The following CMSS1 variants were observed in gnomAD, a reference collection of about 807,000 sequenced individuals.
CMSS1 encodes protein CMSS1.
CMSS1 carries 33 observed loss-of-function variants against 43.5 expected under a neutral mutation model. That is an observed-to-expected ratio of 0.76 (90% CI 0.57 to 1.01). The LOEUF is 1.01. Ranked by LOEUF, CMSS1 falls within the 50% of genes least tolerant of loss-of-function variation. The pLI is 0.00. For synonymous variants in CMSS1, 115 were observed against 117.2 expected (o/e 0.98, Z 0.12); for missense variants, 313 against 326.4 (o/e 0.96, Z 0.32).
At chr3:100,172,756 G>C (rs1456315261) in intron 8 of CMSS1, among the ~76,000 whole-genome samples, 3 of 152,134 alleles carry the variant, frequency 2.0e-5, no homozygotes, top group Non-Finnish European at 2.9e-5. Flanking sequence ...CCATTTTGAG[G>C]GCTGGTATAT....
At chr3:99,930,808 G>A in intron 1 of CMSS1, 1 of 1,612,990 alleles carries the variant, frequency 6.2e-7, no homozygotes, top group Non-Finnish European at 8.5e-7. Flanking sequence ...GAAATAACAG[G>A]TCATCTCTTG....
intron 1 of CMSS1, among the ~76,000 whole-genome samples, chr3:99,890,729 T>G (rs1007191993): frequency 6.3e-5 from 9 of 143,788 alleles, no homozygotes; most frequent in African/African-American, 1.6e-4. Flanking sequence ...CAATCCGCTG[T>G]TTTTTTTTTT....
At chr3:99,945,269 G>A (rs547938209) in intron 1 of CMSS1, among the ~76,000 whole-genome samples, 18 of 152,250 alleles carry the variant, frequency 1.2e-4, no homozygotes, top group African/African-American at 4.1e-4. Context: ...TCATCGCTAC[G>A]AAGGAGTGCT....
chr3:100,063,923 AC>A (rs1559744899), intron 1 of CMSS1, among the ~76,000 whole-genome samples: 1 of 152,280 alleles, frequency 6.6e-6, no homozygotes, highest in South Asian at 2.1e-4. Flanking sequence ...CCACATGTTT[AC>A]CCCAAGACTG....
chr3:100,033,386 G>T (rs1576657499), intron 1 of CMSS1, among the ~76,000 whole-genome samples: 1 of 152,168 alleles, frequency 6.6e-6, no homozygotes. Context: ...GCTCTGGAAG[G>T]CTTCCATCAA....
intron 1 of CMSS1, among the ~76,000 whole-genome samples, chr3:100,015,241 C>T (rs1026708284): frequency 6.6e-6 from 1 of 151,796 alleles, no homozygotes; most frequent in African/African-American, 2.4e-5. Flanking sequence ...TGTTATGTTC[C>T]CTTGGATTAT....
At chr3:99,890,798 C>T (rs1706060112) in intron 1 of CMSS1, among the ~76,000 whole-genome samples, 1 of 151,612 alleles carries the variant, frequency 6.6e-6, no homozygotes, top group South Asian at 2.1e-4. Context: ...GAGGTCTTTG[C>T]AGCTCTGATT....
intron 1 of CMSS1, among the ~76,000 whole-genome samples, chr3:99,943,597 G>A (rs999597504): frequency 6.6e-6 from 1 of 151,968 alleles, no homozygotes; most frequent in Non-Finnish European, 1.5e-5. Context: ...CCAGCTACTC[G>A]GGAGGCTGAG....
chr3:100,044,497 C>T (rs1005888088), intron 1 of CMSS1, among the ~76,000 whole-genome samples: 1 of 152,082 alleles, frequency 6.6e-6, no homozygotes, highest in African/African-American at 2.4e-5. Context: ...GGACAGCTTG[C>T]TCCAAGAACC....
intron 1 of CMSS1, among the ~76,000 whole-genome samples, chr3:100,097,078 A>G (rs1411653557): frequency 9.9e-5 from 15 of 152,190 alleles, no homozygotes; most frequent in Admixed American, 9.8e-4. Context: ...CATTACTGTC[A>G]TTACTCCACT....
At chr3:99,999,855 A>T (rs926066433) in intron 1 of CMSS1, among the ~76,000 whole-genome samples, 1 of 152,176 alleles carries the variant, frequency 6.6e-6, no homozygotes, top group Non-Finnish European at 1.5e-5. Flanking sequence ...AAAACAAAAC[A>T]TGCCATGCTA....
chr3:99,995,561 G>A (rs1709654082), intron 1 of CMSS1, among the ~76,000 whole-genome samples: 1 of 152,122 alleles, frequency 6.6e-6, no homozygotes, highest in Non-Finnish European at 1.5e-5. Flanking sequence ...GGACTCTGAG[G>A]GCTTCAGAGC....
intron 2 of CMSS1, among the ~76,000 whole-genome samples, chr3:100,152,009 T>C (rs574719122): frequency 3.0e-4 from 46 of 152,240 alleles, no homozygotes; most frequent in Non-Finnish European, 5.6e-4. Context: ...ACAAGTGTAG[T>C]ATAACCTTTA....
At position 100,147,026 on chromosome 3, in the gene CMSS1, G is replaced by C; in HGVS notation, c.118G>C (p.Val40Leu). The C allele has an allele frequency of 6.2e-7, 1 of 1,613,980 alleles. No individual in the cohort carries two copies. Among genetic ancestry groups the C allele is most frequent in the Middle Eastern group, 1.6e-4 (1 of 6,062 alleles). ...GDTEVMQQET[V>L]PVPVPSEKTK... is the part of the protein sequence containing the mutation. ...CACAGAAGTGATGCAGCAGGAGACA[G>C]TTCCAGTTCCTGTACCTTCAGAGAA... is the stretch of plus-strand genomic sequence containing the variant. Residue 40 changes from valine to leucine, a missense_variant, in exon 2 of 10, where the codon GTT (valine) becomes CTT (leucine). Transcript: ENST00000421999.
At chr3:99,982,007 A>G (rs1031327896) in intron 1 of CMSS1, among the ~76,000 whole-genome samples, 2 of 152,128 alleles carry the variant, frequency 1.3e-5, no homozygotes, top group African/African-American at 2.4e-5. Context: ...TCACTTTTCT[A>G]TTTTATTTTT....
intron 7 of CMSS1, 110 bp from the exon 8 acceptor site, chr3:100,172,206 C>T (rs2067116014): frequency 2.1e-6 from 2 of 948,712 alleles, no homozygotes; most frequent in African/African-American, 1.6e-5. Context: ...ACAAGGGTAG[C>T]TCCATTTGTA....
At chr3:99,913,902 C>G (rs1706872137) in intron 1 of CMSS1, among the ~76,000 whole-genome samples, 1 of 151,970 alleles carries the variant, frequency 6.6e-6, no homozygotes, top group Non-Finnish European at 1.5e-5. Flanking sequence ...TCAGGCATCT[C>G]GGATATTTCA....
intron 1 of CMSS1, among the ~76,000 whole-genome samples, chr3:99,908,518 G>T (rs534210722): frequency 6.6e-6 from 1 of 152,278 alleles, no homozygotes; most frequent in South Asian, 2.1e-4. Context: ...TGATCACTTA[G>T]GTTTGGGAAC....
chr3:99,925,925 A>C (rs1479036452), intron 1 of CMSS1: 101 of 978,762 alleles, frequency 1.0e-4, no homozygotes, highest in Non-Finnish European at 1.2e-4. Context: ...CACCAGAAAA[A>C]CATGTTGGCA....
Sources: allele counts gnomAD v4.1 joint callset (sites outside exome capture counted in the v4.1 genomes callset), GRCh38; gene constraint gnomAD v4.1.1; transcripts MANE v1.5; gene names NCBI Gene and HGNC (gene_info 2026-07-23, HGNC 2026-07-21).